PSMG1: variants seen among roughly 807,000 people sequenced by gnomAD.
PSMG1 encodes the protein Down syndrome critical region gene 2.
PSMG1 carries 23 observed loss-of-function variants against 37.2 expected under a neutral mutation model. That is an observed-to-expected ratio of 0.62 (90% confidence interval 0.44 to 0.88). The LOEUF (loss-of-function observed/expected upper bound fraction) is 0.88, where lower values mean the gene tolerates loss of function less well. PSMG1 is among the 40% of genes least tolerant of loss of function. PSMG1 has a pLI of 0.00. For missense variants in PSMG1, 340 were observed against 344.2 expected (o/e 0.99, Z 0.10); for synonymous variants, 127 against 128.0 (o/e 0.99, Z 0.05).
intron 1 of PSMG1, 99 bp downstream of exon 1, chr21:39,183,153 G>C (rs1453952969): frequency 4.4e-6 from 6 of 1,368,932 alleles, no homozygotes; most frequent in Non-Finnish European, 5.7e-6. Flanking sequence ...GGGGCCACTC[G>C]GAAGACCGCG....
In PSMG1 at chr21:39,177,586, GAA is replaced by G; in HGVS notation, c.656-17_656-16del. 6.8e-7 allele frequency: 1 copy of G among 1,461,286 alleles called. No homozygotes were observed. The highest frequency in any genetic ancestry group is 2.6e-5 in the Admixed American group (1 of 38,816). 90.5% of individuals were successfully genotyped at this position (1,461,286 alleles called of 1,614,324 possible). ...GTAGCTTAGAACTATGAATACACAA[GAA>G]AAAAAAACGATGTAAGTTTTCTATT... On this transcript the variant is annotated splice_polypyrimidine_tract_variant and intron_variant, in intron 5 of 6. Coordinates refer to ENST00000331573, the MANE Select transcript of PSMG1 (RefSeq NM_003720.4).
chr21:39,178,420 A>C (rs772891700), intron 5 of PSMG1, 29 bp downstream of exon 5: 1 of 1,569,648 alleles, frequency 6.4e-7, no homozygotes, highest in South Asian at 1.1e-5. Context: ...AATAAGATAG[A>C]ATGTAAATGT....
chr21:39,183,395 G>C lies in PSMG1; in HGVS notation c.-10C>G, dbSNP rs537383776. 5.7e-5 allele frequency: 90 copies of C among 1,575,156 alleles called. 2 individuals are homozygous for C. The South Asian group carries it at 1.0e-3, about 18-fold the overall frequency. On this transcript the variant is annotated 5_prime_UTR_variant, in exon 1 of 7. Transcript: ENST00000331573. ...AGAACGTGGCCGCCATAGCCGCCCCGTGACCGGCTGGACACAACTGCAGCG... is the reference window on the plus strand; with the variant it reads ...AGAACGTGGCCGCCATAGCCGCCCCCTGACCGGCTGGACACAACTGCAGCG...
intron 4 of PSMG1, 110 bp from the exon 5 acceptor site, chr21:39,178,757 AG>A: frequency 3.0e-6 from 3 of 1,013,748 alleles, no homozygotes; most frequent in Non-Finnish European, 4.3e-6. Context: ...CATGCCTAGC[AG>A]GGGTGGGAGT....
intron 5 of PSMG1, 67 bp downstream of exon 5, chr21:39,178,382 T>C (rs540949466): frequency 2.8e-6 from 4 of 1,447,860 alleles, no homozygotes; most frequent in Admixed American, 1.7e-5. Context: ...AAAAGACCTC[T>C]AATGGTGAAA....
chr21:39,180,428 A>C lies in PSMG1; in HGVS notation c.250T>G (p.Ser84Ala), dbSNP rs2030787788. The C allele has an allele frequency of 6.3e-7, 1 of 1,589,082 alleles. No individual in the cohort carries two copies. Among genetic ancestry groups the C allele is most frequent in the African/African-American group, 1.4e-5 (1 of 73,802 alleles). ...AIGNNAVAFL[S>A]SFVMNSGVWE... ...ACTCCTGAATTCATAACAAATGATG[A>C]CAGAAATGCTGTAAAAAACAATTCA... Residue 84 changes from serine to alanine, a missense_variant, in exon 3 of 7, where the codon TCA becomes GCA. Physicochemically the swap from Ser to Ala is moderately conservative, Grantham distance 99. Transcript: ENST00000331573.
intron 6 of PSMG1, among the ~76,000 whole-genome samples, chr21:39,176,515 T>C (rs897302144): frequency 3.3e-5 from 5 of 152,224 alleles, no homozygotes; most frequent in African/African-American, 1.2e-4. Context: ...ATTAACTCCA[T>C]GTGTCAGAAA....
rs1195991315 is a variant in PSMG1, at chr21:39,175,603, T to C, written c.854A>G (p.Asn285Ser). 6.9e-6 allele frequency: 11 copies of C among 1,593,144 alleles called. No homozygotes were observed. Among genetic ancestry groups the C allele is most frequent in the Non-Finnish European group, 9.5e-6 (11 of 1,161,138 alleles). ...KLMTTNEIQS[N>S]IYT ...CAATGTTTAAGATCATGTATAAATG[T>C]TACTCTGAATCTCATTTGTTGTCAT... The change falls in exon 7 of 7, where the codon AAC (asparagine) becomes AGC (serine). Residue 285 changes from asparagine (N) to serine (S), a missense_variant. Physicochemically the swap from Asn to Ser is conservative, Grantham distance 46 (BLOSUM62 1). Transcript: ENST00000331573.
In PSMG1 at chr21:39,177,400, A is replaced by G. The variant is rs773727360; in HGVS notation, c.792+35T>C. ...GTTTGTTACTAAGCTGATTATAACAATGCAGCTATTAATTTAAATGAGTTA... is the reference window on the plus strand; with the variant it reads ...GTTTGTTACTAAGCTGATTATAACAGTGCAGCTATTAATTTAAATGAGTTA... On this transcript the variant is annotated intron_variant, in intron 6 of 6. Transcript: ENST00000331573. 9 of 1,529,398 alleles carry G rather than the reference A, an allele frequency of 5.9e-6. No homozygotes were observed. In the South Asian group the frequency reaches 1.1e-4, roughly 19 times the overall value. The allele number at this position is 1,529,398 out of a possible 1,614,324, so 94.7% of individuals were successfully genotyped here. A position where few individuals can be genotyped will look rare whatever the true frequency, so the allele number is the denominator to read the frequency against.
At chr21:39,177,636 C>G (rs2030676512) in intron 5 of PSMG1, 65 bp from the exon 6 acceptor site, 1 of 1,262,414 alleles carries the variant, frequency 7.9e-7, no homozygotes, top group Non-Finnish European at 1.0e-6. Context: ...AATTAAACAC[C>G]TTTAAATAAT....
At chr21:39,177,691 C>T in intron 5 of PSMG1, 120 bp from the exon 6 acceptor site, 1 of 745,930 alleles carries the variant, frequency 1.3e-6, no homozygotes. Flanking sequence ...CTCTTTCAAT[C>T]AAGGTATTTA....
At chr21:39,180,055 G>C in intron 3 of PSMG1, 69 bp from the exon 4 acceptor site, 1 of 1,471,668 alleles carries the variant, frequency 6.8e-7, no homozygotes, top group South Asian at 1.2e-5. Context: ...CACCATATAT[G>C]TAACATGTGA....
At chr21:39,180,535 G>C in intron 2 of PSMG1, 99 bp from the exon 3 acceptor site, 1 of 1,271,244 alleles carries the variant, frequency 7.9e-7, no homozygotes, top group Middle Eastern at 2.8e-4. Flanking sequence ...TTTGAGAGCT[G>C]AAAGAGCCAT....
chr21:39,180,030 C>T, intron 3 of PSMG1, 44 bp from the exon 4 acceptor site: 1 of 1,574,848 alleles, frequency 6.3e-7, no homozygotes, highest in Non-Finnish European at 8.7e-7. Context: ...AAGTTTTATA[C>T]ACACCACAAA....
chr21:39,183,512 C>T (rs1422731744), upstream of PSMG1: 4 of 1,237,360 alleles, frequency 3.2e-6, no homozygotes, highest in East Asian at 9.3e-5. Context: ...CCTCCGCGCA[C>T]AGCCCAAGCT....
At chr21:39,177,227 A>G (rs955154967) in intron 6 of PSMG1, among the ~76,000 whole-genome samples, 2 of 152,250 alleles carry the variant, frequency 1.3e-5, no homozygotes, top group Non-Finnish European at 2.9e-5. Context: ...TTAATCTATC[A>G]TACAAGAACA....
chr21:39,177,587 A>G lies in PSMG1; in HGVS notation c.656-16T>C. 6.7e-7 allele frequency: 1 copy of G among 1,484,518 alleles called. No homozygotes were observed. Among genetic ancestry groups the G allele is most frequent in the South Asian group, 1.4e-5 (1 of 70,918 alleles). 92.0% of individuals were successfully genotyped at this position (1,484,518 alleles called of 1,614,324 possible). A position where few individuals can be genotyped will look rare whatever the true frequency, so the allele number is the denominator to read the frequency against. Reference sequence around the variant, plus strand: ...TAGCTTAGAACTATGAATACACAAGAAAAAAAAACGATGTAAGTTTTCTAT... The same window carrying G: ...TAGCTTAGAACTATGAATACACAAGGAAAAAAAACGATGTAAGTTTTCTAT... On this transcript the variant is annotated splice_polypyrimidine_tract_variant and intron_variant, in intron 5 of 6. Transcript: ENST00000331573.
At chr21:39,181,942 C>A (rs1454726786) in intron 1 of PSMG1, 64 bp from the exon 2 acceptor site, 1 of 1,028,286 alleles carries the variant, frequency 9.7e-7, no homozygotes, top group Non-Finnish European at 1.4e-6. Context: ...GGCAAAAGGG[C>A]ACTATATGTA....
Position 39,177,418 on chromosome 21 carries a change from A to T in PSMG1, c.792+17T>A, listed in dbSNP as rs2030665844. On this transcript the variant is annotated intron_variant, in intron 6 of 6. Transcript: ENST00000331573. ...TATAACAATGCAGCTATTAATTTAA[A>T]TGAGTTAAAACCTTACCTTAACCAA... 1 of 1,549,280 alleles carries T rather than the reference A, an allele frequency of 6.5e-7. No individual in the cohort carries two copies. Among genetic ancestry groups the T allele is most frequent in the South Asian group, 1.2e-5 (1 of 80,022 alleles).
Sources: gnomAD v4.1 joint callset for allele counts (sites outside exome capture counted in the v4.1 genomes callset) on GRCh38, gnomAD v4.1.1 for gene constraint, MANE v1.5 for transcripts, NCBI Gene and HGNC (gene_info 2026-07-23, HGNC 2026-07-21) for gene names.